ZNF347: variants seen among roughly 807,000 people sequenced by gnomAD.
ZNF347 encodes the protein CTD-2620I22.7.
Under a neutral mutation model 12.9 loss-of-function variants are expected in ZNF347, and 19 were observed. The ratio of observed to expected loss-of-function variants is 1.47; its 90% CI spans 1.03 to 2.16. ZNF347 has a LOEUF of 2.16. Among genes scored for constraint, ZNF347 ranks in the 30% most tolerant of loss-of-function variants. The pLI, the probability that ZNF347 is intolerant of heterozygous loss-of-function variation, is 0.00. For missense variants in ZNF347, 1,005 were observed against 990.6 expected, an observed-to-expected ratio of 1.01 and a Z score of -0.19; for synonymous variants, 328 against 340.6, an observed-to-expected ratio of 0.96 and a Z score of 0.41.
chr19:53,143,891 T>C (rs2090445670), intron 4 of ZNF347, among the ~76,000 whole-genome samples: 1 of 152,148 alleles, frequency 6.6e-6, no homozygotes, highest in African/African-American at 2.4e-5. Context: ...CAGCACCTGT[T>C]GTTTCCTGAC....
chr19:53,148,085 G>C (rs1025876225), intron 4 of ZNF347, among the ~76,000 whole-genome samples: 1 of 152,140 alleles, frequency 6.6e-6, no homozygotes, highest in Non-Finnish European at 1.5e-5. Flanking sequence ...AAGCCTTTCT[G>C]CTAAGATCTG....
rs2090383792 is a variant in ZNF347, at chr19:53,135,404, G to T, written c.*4904C>A. On this transcript the variant is annotated 3_prime_UTR_variant, in exon 5 of 5. Coordinates refer to ENST00000334197, the MANE Select transcript of ZNF347 (RefSeq NM_032584.3). Reference sequence around the variant, plus strand: ...GAGAGAGAGAGAGAGATGGAGTCCCGCTCTGTCACTGAGACTGGAGTGCAA... The same window carrying T: ...GAGAGAGAGAGAGAGATGGAGTCCCTCTCTGTCACTGAGACTGGAGTGCAA... The T allele has an allele frequency of 7.0e-6, 1 of 142,596 alleles. No individual in the cohort carries two copies. The highest frequency in any genetic ancestry group is 1.5e-5 in the Non-Finnish European group (1 of 66,386). The allele number at this position is 142,596 out of a possible 1,614,324, so 8.8% of individuals were successfully genotyped here. A position where few individuals can be genotyped will look rare whatever the true frequency, so the allele number is the denominator to read the frequency against.
In ZNF347 at chr19:53,139,298, T is replaced by A. The variant is rs2090404645; in HGVS notation, c.*1010A>T. The A allele has an allele frequency of 6.6e-6, 1 of 152,132 alleles. No homozygotes were observed. The highest frequency in any genetic ancestry group is 2.4e-5 in the African/African-American group (1 of 41,420). The allele number at this position is 152,132 out of a possible 1,614,324, so 9.4% of individuals were successfully genotyped here. On this transcript the variant is annotated 3_prime_UTR_variant, in exon 5 of 5. Coordinates refer to ENST00000334197, the MANE Select transcript of ZNF347 (RefSeq NM_032584.3). ...TGCCCCAAAACCATGGTCTCTCAAT[T>A]GAGAGAATATTTAATTTTACAAGGC...
rs1334879242 is a variant in ZNF347 at position 53,141,204 on chromosome 19, T to C, written c.1624A>G (p.Met542Val). 6 of 1,608,398 alleles carry C rather than the reference T, an allele frequency of 3.7e-6. No individual in the cohort carries two copies. The highest frequency in any genetic ancestry group is 5.1e-6 in the Non-Finnish European group (6 of 1,175,792). ...QRIHTGVKPY[M>V]CNECGKAFSV... Reference sequence around the variant, plus strand: ...AAGGCTTTGCCGCACTCATTACACATATAAGGCTTCACTCCAGTATGAATT... The same window carrying C: ...AAGGCTTTGCCGCACTCATTACACACATAAGGCTTCACTCCAGTATGAATT... The change falls in exon 5 of 5, where the codon ATG becomes GTG. Residue 542 changes from methionine (M) to valine (V), a missense_variant. By Grantham distance (21) the Met-to-Val change is conservative. Transcript: ENST00000334197.
chr19:53,156,044 T>G (rs1016493287), intron 1 of ZNF347, among the ~76,000 whole-genome samples: 4 of 1,484 alleles, frequency 2.7e-3, no homozygotes, highest in Admixed American at 0.011. Flanking sequence ...GACTCCCAGC[T>G]CGGGGGGGGG....
At position 53,154,943 on chromosome 19, in the gene ZNF347, G is replaced by T. The variant is rs867701383; in HGVS notation, c.-46-1150C>A. Among the ~76,000 whole-genome samples, 10 of 144,284 alleles carry T rather than the reference G, an allele frequency of 6.9e-5. No individual in the cohort carries two copies. The East Asian group carries it at 1.0e-3, about 15-fold the overall frequency. 94.7% of individuals were successfully genotyped at this position (144,284 alleles called of 152,430 possible). A position where few individuals can be genotyped will look rare whatever the true frequency, so the allele number is the denominator to read the frequency against. On this transcript the variant is annotated intron_variant, in intron 1 of 4. Coordinates refer to ENST00000334197, the MANE Select transcript of ZNF347 (RefSeq NM_032584.3). Reference sequence around the variant, plus strand: ...GAAAGGTAGTTTAGAGTTTTGTTTTGTTTTTTTTTTTGAGATGAAGTCTCA... The same window carrying T: ...GAAAGGTAGTTTAGAGTTTTGTTTTTTTTTTTTTTTTGAGATGAAGTCTCA...
chr19:53,141,017 T>C lies in ZNF347; in HGVS notation c.1811A>G (p.Lys604Arg), dbSNP rs368876831. The C allele has an allele frequency of 6.2e-6, 10 of 1,613,530 alleles. No homozygotes were observed. Among genetic ancestry groups the C allele is most frequent in the Middle Eastern group, 3.3e-4 (2 of 6,062 alleles). The change falls in exon 5 of 5, where the codon AAG (lysine) becomes AGG (arginine). Residue 604 changes from lysine to arginine, a missense_variant. Lys to Arg is a conservative substitution (Grantham distance 26). Coordinates refer to ENST00000334197, the MANE Select transcript of ZNF347 (RefSeq NM_032584.3). ...AAGGTATGAATTATGCCTAAAGACC[T>C]TGCCACATTCATTACATTTATAAGG... The part of the protein sequence containing the change: ...EKPYKCNECG[K>R]VFRHNSYLSR...
intron 1 of ZNF347, among the ~76,000 whole-genome samples, chr19:53,156,052 G>GGCGGGGGT (rs1568645448): frequency 7.2e-6 from 1 of 138,518 alleles, no homozygotes; most frequent in African/African-American, 2.7e-5. Flanking sequence ...GCTCGGGGGG[G>GGCGGGGGT]GGGGGGGGTT....
At position 53,142,022 on chromosome 19, in the gene ZNF347, A is replaced by C. The variant is rs1463826168; in HGVS notation, c.806T>G (p.Val269Gly). 4 of 1,614,126 alleles carry C rather than the reference A, an allele frequency of 2.5e-6. 1 individual carries two copies. The highest frequency in any genetic ancestry group is 2.2e-5 in the South Asian group (2 of 91,078). The change falls in exon 5 of 5, where the codon GTC becomes GGC. Residue 269 changes from valine (V) to glycine (G), a missense_variant. Coordinates refer to ENST00000334197, the MANE Select transcript of ZNF347 (RefSeq NM_032584.3). ...SPYKSNGCGMVFPQNSHLASH... is the reference protein window; with the variant it reads ...SPYKSNGCGMGFPQNSHLASH... Reference sequence around the variant, plus strand: ...TGCAAGGTGTGAATTTTGAGGAAAGACCATGCCACATCCATTAGATTTGTA... The same window carrying C: ...TGCAAGGTGTGAATTTTGAGGAAAGCCCATGCCACATCCATTAGATTTGTA...
chr19:53,158,021 TTC>T (rs1169026118), intron 1 of ZNF347, among the ~76,000 whole-genome samples: 4 of 152,318 alleles, frequency 2.6e-5, no homozygotes, highest in African/African-American at 4.8e-5. Context: ...GTTTTTCTAC[TTC>T]TCTCTCTGTC....
At position 53,140,391 on chromosome 19, in the gene ZNF347, T is replaced by C. The variant is rs754994560; in HGVS notation, c.2437A>G (p.Thr813Ala). Residue 813 changes from threonine (T) to alanine (A), a missense_variant, in exon 5 of 5, where the codon ACT becomes GCT. Thr to Ala is a moderately conservative substitution (Grantham distance 58). Coordinates refer to ENST00000334197, the MANE Select transcript of ZNF347 (RefSeq NM_032584.3). ...TTACATTTGTAAGGTTTCCCACCAG[T>C]ATGGATTGTCTGATGGGTAGTTAGG... ...SSLTTHQTIH[T>A]GGKPYKCNVW... 4 of 1,612,220 alleles carry C rather than the reference T, an allele frequency of 2.5e-6. No homozygotes were observed. The South Asian group carries it at 3.3e-5, about 13-fold the overall frequency.
At position 53,148,700 on chromosome 19, in the gene ZNF347, C is replaced by T. The variant is rs1237735211; in HGVS notation, c.252G>A (p.Trp84Ter). 6.2e-7 allele frequency: 1 copy of T among 1,613,788 alleles called. No homozygotes were observed. Among genetic ancestry groups the T allele is most frequent in the Non-Finnish European group, 8.5e-7 (1 of 1,179,840 alleles). ...QIAGNPDGWE[W>*]IKAVITALSS... ...TCTTACCTGTGATCACAGCTTTGAT[C>T]CATTCCCATCCATCTGGGTTTCCTG... Residue 84 changes from tryptophan to a stop codon, truncating the protein, a stop_gained, in exon 4 of 5, where the codon TGG becomes TGA. Coordinates refer to ENST00000334197, the MANE Select transcript of ZNF347 (RefSeq NM_032584.3). LOFTEE classifies it low-confidence loss of function (END_TRUNC).
chr19:53,141,471 C>A lies in ZNF347; in HGVS notation c.1357G>T (p.Gly453Ter). 1 of 1,613,918 alleles carries A rather than the reference C, an allele frequency of 6.2e-7. No homozygotes were observed. Among genetic ancestry groups the A allele is most frequent in the South Asian group, 1.1e-5 (1 of 91,078 alleles). The change falls in exon 5 of 5, where the codon GGA becomes TGA. Residue 453 changes from glycine to a stop codon, truncating the protein, a stop_gained. Coordinates refer to ENST00000334197, the MANE Select transcript of ZNF347 (RefSeq NM_032584.3). LOFTEE classifies it low-confidence loss of function (END_TRUNC). Reference protein sequence around the residue: ...SLAIHLVIHTGEKPYKCHECG... With the variant: ...SLAIHLVIHT ...TCATGACATTTGTAAGGCTTTTCTC[C>A]GGTGTGAATTACCAGATGAATAGCT...
At chr19:53,155,435 C>T (rs2090527067) in intron 1 of ZNF347, among the ~76,000 whole-genome samples, 1 of 151,826 alleles carries the variant, frequency 6.6e-6, no homozygotes, top group African/African-American at 2.4e-5. Flanking sequence ...CGTGTTCAAG[C>T]GATTCTCTCA....
At chr19:53,153,565 G>A (rs544856875) in intron 2 of ZNF347, among the ~76,000 whole-genome samples, 168 bp downstream of exon 2, 4 of 152,292 alleles carry the variant, frequency 2.6e-5, no homozygotes, top group Non-Finnish European at 4.4e-5. Context: ...ACTGGGTCAC[G>A]AGAGATGGAA....
At chr19:53,145,297 A>AAG (rs1335562009) in intron 4 of ZNF347, among the ~76,000 whole-genome samples, 1 of 151,304 alleles carries the variant, frequency 6.6e-6, no homozygotes, top group Non-Finnish European at 1.5e-5. Context: ...CTAGAAAAAA[A>AAG]AAAAAAAAAG....
intron 1 of ZNF347, among the ~76,000 whole-genome samples, chr19:53,155,901 T>C (rs2090530693): frequency 1.3e-5 from 2 of 151,178 alleles, no homozygotes; most frequent in Non-Finnish European, 3.0e-5. Context: ...CTTGGAGGTC[T>C]TTTCCTTTAG....
chr19:53,148,725 G>A lies in ZNF347; in HGVS notation c.227C>T (p.Ala76Val). The stretch of plus-strand genomic sequence containing the variant: ...CCATTCCCATCCATCTGGGTTTCCT[G>A]CTATTTGTACTTGGCTCTCCAAAGT... ...PFTLESQVQIAGNPDGWEWIK... is the reference protein window; with the variant it reads ...PFTLESQVQIVGNPDGWEWIK... Residue 76 changes from alanine (A) to valine (V), a missense_variant, in exon 4 of 5, where the codon GCA becomes GTA. By Grantham distance (64) the Ala-to-Val change is moderately conservative (BLOSUM62 0). Transcript: ENST00000334197. The A allele has an allele frequency of 6.2e-7, 1 of 1,613,914 alleles. No individual in the cohort carries two copies. Among genetic ancestry groups the A allele is most frequent in the African/African-American group, 1.3e-5 (1 of 75,020 alleles).
At chr19:53,156,046 G>GGGGGGGGC (rs1555802205) in intron 1 of ZNF347, among the ~76,000 whole-genome samples, 16 of 71,340 alleles carry the variant, frequency 2.2e-4, no homozygotes, top group African/African-American at 9.0e-4. Context: ...CTCCCAGCTC[G>GGGGGGGGC]GGGGGGGGGG....
Sources: gnomAD v4.1 joint callset for allele counts (sites outside exome capture counted in the v4.1 genomes callset) on GRCh38, gnomAD v4.1.1 for gene constraint, MANE v1.5 for transcripts, NCBI Gene and HGNC (gene_info 2026-07-23, HGNC 2026-07-21) for gene names.